Variants in RUNDC3B observed in about 807,000 individuals in gnomAD.
RUNDC3B encodes RUN domain containing 3B, also known as RUN domain-containing protein 3B.
Under a neutral mutation model 58.4 loss-of-function variants are expected in RUNDC3B, and 33 were observed. The observed-to-expected ratio is 0.56, with a 90% CI of 0.43 to 0.75. RUNDC3B has a LOEUF of 0.75. Ranked by LOEUF, RUNDC3B falls within the 30% of genes least tolerant of loss-of-function variation. The pLI is 0.00. For synonymous variants in RUNDC3B, 193 were observed against 195.2 expected, an observed-to-expected ratio of 0.99 and a Z score of 0.10; for missense variants, 501 against 535.7, an observed-to-expected ratio of 0.94 and a Z score of 0.64.
At chr7:87,824,293 T>C (rs910892952) in intron 10 of RUNDC3B, among the ~76,000 whole-genome samples, 12 of 152,142 alleles carry the variant, frequency 7.9e-5, no homozygotes, top group African/African-American at 2.9e-4. Context: ...GGGCAAGTCT[T>C]TCCCAGGTTG....
At chr7:87,789,028 G>T (rs1835384613) in intron 8 of RUNDC3B, among the ~76,000 whole-genome samples, 4 of 152,126 alleles carry the variant, frequency 2.6e-5, no homozygotes, top group Admixed American at 2.6e-4. Flanking sequence ...TACTTGAAGG[G>T]TGCCATATAT....
chr7:87,643,239 T>C (rs983227140), intron 1 of RUNDC3B, among the ~76,000 whole-genome samples: 1 of 152,078 alleles, frequency 6.6e-6, no homozygotes, highest in Admixed American at 6.5e-5. Context: ...AGTTGATTTT[T>C]ACATTGCGTA....
chr7:87,762,979 TACTTATCCTATG>T (rs147934073), intron 6 of RUNDC3B, among the ~76,000 whole-genome samples: 7,390 of 151,576 alleles, frequency 0.049, 271 homozygotes, highest in East Asian at 0.09. Flanking sequence ...TTTTGCCTTC[TACTTATCCTATG>T]ACTTTGCATT....
chr7:87,641,939 T>C (rs1253168517), intron 1 of RUNDC3B, among the ~76,000 whole-genome samples: 1 of 152,056 alleles, frequency 6.6e-6, no homozygotes, highest in East Asian at 1.9e-4. Context: ...ATCTCAAAAT[T>C]AATATTAATA....
chr7:87,709,623 C>A, intron 3 of RUNDC3B: 1 of 481,346 alleles, frequency 2.1e-6, no homozygotes, highest in Non-Finnish European at 2.7e-6. Context: ...TCCTTTGTGA[C>A]CTTTCCTATC....
At chr7:87,660,301 G>A (rs1824557969) in intron 2 of RUNDC3B, among the ~76,000 whole-genome samples, 1 of 151,892 alleles carries the variant, frequency 6.6e-6, no homozygotes, top group African/African-American at 2.4e-5. Context: ...ACTCTATTCA[G>A]GTTGTTGATT....
intron 4 of RUNDC3B, among the ~76,000 whole-genome samples, chr7:87,732,640 AG>A (rs749575020): frequency 5.1e-4 from 77 of 152,320 alleles, no homozygotes; most frequent in Non-Finnish European, 8.2e-4. Flanking sequence ...AGCTGGGTCC[AG>A]GGGGGTCACT....
intron 3 of RUNDC3B, among the ~76,000 whole-genome samples, chr7:87,708,539 TTTC>T (rs1829802708): frequency 6.6e-6 from 1 of 152,180 alleles, no homozygotes; most frequent in Non-Finnish European, 1.5e-5. Context: ...TTTAAATTGT[TTTC>T]TTCTTATGGG....
Position 87,777,803 on chromosome 7 carries a change from C to G in RUNDC3B, c.804C>G (p.Tyr268Ter). ...TGATGATACTGGATTTCCAGGGTTA[C>G]CTTGAAGAACTCTTACGACTTCGAG... ...KYQLTLEQKG[Y>*]LEELLRLREN... The change falls in exon 8 of 11, where the codon TAC becomes TAG. Residue 268 changes from tyrosine (Y) to a stop codon, truncating the protein, a stop_gained. Coordinates refer to ENST00000394654, the MANE Select transcript of RUNDC3B (RefSeq NM_001134405.2). LOFTEE classifies it high-confidence loss of function. The G allele has an allele frequency of 6.2e-7, 1 of 1,613,270 alleles. No homozygotes were observed. Among genetic ancestry groups the G allele is most frequent in the Non-Finnish European group, 8.5e-7 (1 of 1,179,602 alleles).
In RUNDC3B at chr7:87,732,983, C is replaced by T. The variant is rs1040568593; in HGVS notation, c.459-6808C>T. On this transcript the variant is annotated intron_variant, in intron 4 of 10. Transcript: ENST00000394654. ...TAACAATTGCAACAAAAGCTGGTTA[C>T]AAACAATCCATGGAAACAGGATGTG... 2.2e-4 allele frequency among the ~76,000 whole-genome samples: 34 copies of T among 152,140 alleles called. 1 individual carries two copies. The highest frequency in any genetic ancestry group is 2.2e-3 in the Admixed American group (34 of 15,268).
chr7:87,829,823 G>C, intron 10 of RUNDC3B, 62 bp from the exon 11 acceptor site: 8 of 1,209,998 alleles, frequency 6.6e-6, no homozygotes, highest in Non-Finnish European at 9.4e-6. Flanking sequence ...ATGGTTTTAG[G>C]ATCTTATTTG....
intron 6 of RUNDC3B, among the ~76,000 whole-genome samples, chr7:87,750,390 A>G (rs547523576): frequency 5.4e-4 from 81 of 151,336 alleles, no homozygotes; most frequent in African/African-American, 1.8e-3. Flanking sequence ...TTGGGTATAT[A>G]CCCAGTAATG....
chr7:87,629,283 G>A (rs1820961340), intron 1 of RUNDC3B: 1 of 230,720 alleles, frequency 4.3e-6, no homozygotes, highest in Admixed American at 5.7e-5. Context: ...TGCCCATTCA[G>A]CTGTCAGCGA....
chr7:87,664,458 G>T (rs1233321705), intron 2 of RUNDC3B, among the ~76,000 whole-genome samples: 1 of 152,122 alleles, frequency 6.6e-6, no homozygotes, highest in Non-Finnish European at 1.5e-5. Context: ...CCAGATGTTG[G>T]AATAATCAGG....
chr7:87,724,701 A>C (rs1350378735), intron 4 of RUNDC3B, among the ~76,000 whole-genome samples: 3 of 152,094 alleles, frequency 2.0e-5, no homozygotes, highest in Non-Finnish European at 4.4e-5. Flanking sequence ...TAATCAAAAT[A>C]ATCTGCCATT....
intron 2 of RUNDC3B, among the ~76,000 whole-genome samples, chr7:87,668,620 T>A (rs1305808386): frequency 6.6e-6 from 1 of 152,296 alleles, no homozygotes; most frequent in East Asian, 1.9e-4. Flanking sequence ...TTTAGTGCAA[T>A]GAAGTTCTCT....
Position 87,830,986 on chromosome 7 carries a change from T to C in RUNDC3B, c.*956T>C, listed in dbSNP as rs1363184737. 6.6e-6 allele frequency: 1 copy of C among 151,820 alleles called. No individual in the cohort carries two copies. Among genetic ancestry groups the C allele is most frequent in the East Asian group, 1.9e-4 (1 of 5,200 alleles). The allele number at this position is 151,820 out of a possible 1,614,324, so 9.4% of individuals were successfully genotyped here. ...CAACAATGAAGTGTGTCATGTGTGT[T>C]TTATAGCCTCTATCATTAATCACAC... is the stretch of plus-strand genomic sequence containing the variant. On this transcript the variant is annotated 3_prime_UTR_variant, in exon 11 of 11. Transcript: ENST00000394654.
At chr7:87,643,607 G>A (rs1386623440) in intron 1 of RUNDC3B, among the ~76,000 whole-genome samples, 2 of 151,826 alleles carry the variant, frequency 1.3e-5, no homozygotes, top group Admixed American at 1.3e-4. Flanking sequence ...TGCAACTTCT[G>A]CCTCCCAGGT....
intron 2 of RUNDC3B, among the ~76,000 whole-genome samples, chr7:87,678,479 A>G (rs1332646410): frequency 6.6e-6 from 1 of 152,232 alleles, no homozygotes; most frequent in East Asian, 1.9e-4. Context: ...TTTAGCCAAA[A>G]AAGCCAATAA....
Sources: gnomAD v4.1 joint callset for allele counts (sites outside exome capture counted in the v4.1 genomes callset) on GRCh38, gnomAD v4.1.1 for gene constraint, MANE v1.5 for transcripts, NCBI Gene and HGNC (gene_info 2026-07-23, HGNC 2026-07-21) for gene names.